HSF2BP: variants seen among roughly 807,000 people sequenced by gnomAD.
The protein encoded by HSF2BP is heat shock transcription factor 2 binding protein, also known as heat shock factor 2-binding protein.
In HSF2BP, 35 loss-of-function variants were observed where a neutral mutation model predicts 35.0. That is an observed-to-expected ratio of 1.00 (90% CI 0.76 to 1.32). HSF2BP has a LOEUF of 1.32. Among genes scored for constraint, HSF2BP ranks in the 40% most tolerant of loss-of-function variants. The pLI, the probability that HSF2BP is intolerant of heterozygous loss-of-function variation, is 0.00. For missense variants in HSF2BP, 326 were observed against 321.7 expected (o/e 1.01, Z -0.10); for synonymous variants, 114 against 117.4 (o/e 0.97, Z 0.18).
intron 6 of HSF2BP, among the ~76,000 whole-genome samples, chr21:43,616,716 G>A (rs1020241642): frequency 2.3e-4 from 35 of 152,216 alleles, no homozygotes; most frequent in African/African-American, 7.7e-4. Context: ...GGCGGATCAC[G>A]CGGTCTGGAG....
intron 8 of HSF2BP, among the ~76,000 whole-genome samples, chr21:43,572,544 GAAGGCCCACTACA>G (rs2081590284): frequency 6.6e-6 from 1 of 152,192 alleles, no homozygotes; most frequent in South Asian, 2.1e-4. Context: ...CGCACACAGG[GAAGGCCCACTACA>G]AAGCCAGTGG....
rs1194234130 is a variant in HSF2BP at position 43,592,251 on chromosome 21, A to G, written c.770T>C (p.Ile257Thr). 6.2e-6 allele frequency: 10 copies of G among 1,613,672 alleles called. No individual in the cohort carries two copies. The highest frequency in any genetic ancestry group is 1.1e-5 in the South Asian group (1 of 91,056). ...LKYISESPGF[I>T]PLLWWLLSDP... ...ACTCAAAAGCCACCACAGCAAAGGG[A>G]TGAATCCTGGACTCTCGCTGATGTA... is the stretch of plus-strand genomic sequence containing the variant. Residue 257 changes from isoleucine (I) to threonine (T), a missense_variant, in exon 8 of 9, where the codon ATC becomes ACC. By Grantham distance (89) the Ile-to-Thr change is moderately conservative. Transcript: ENST00000291560.
At chr21:43,615,923 C>A (rs192655125) in intron 6 of HSF2BP, among the ~76,000 whole-genome samples, 2 of 152,014 alleles carry the variant, frequency 1.3e-5, no homozygotes, top group East Asian at 3.9e-4. Context: ...GCAAACTGTC[C>A]CTGCCAAACC....
At chr21:43,580,006 T>C (rs1446883455) in intron 8 of HSF2BP, among the ~76,000 whole-genome samples, 1 of 152,212 alleles carries the variant, frequency 6.6e-6, no homozygotes, top group East Asian at 1.9e-4. Flanking sequence ...GCCTGCTTTC[T>C]GATGCCTCGA....
intron 4 of HSF2BP, among the ~76,000 whole-genome samples, chr21:43,639,712 G>C (rs151247058): frequency 2.0e-5 from 3 of 152,108 alleles, no homozygotes; most frequent in Non-Finnish European, 2.9e-5. Context: ...AGACACTCTG[G>C]AAAACAATTT....
intron 5 of HSF2BP, among the ~76,000 whole-genome samples, chr21:43,631,414 G>T (rs886921623): frequency 6.6e-6 from 1 of 151,898 alleles, no homozygotes; most frequent in Admixed American, 6.6e-5. Flanking sequence ...TCTCATACAT[G>T]TTCCTTCTTT....
intron 8 of HSF2BP, among the ~76,000 whole-genome samples, chr21:43,588,758 G>A (rs922500301): frequency 1.3e-5 from 2 of 152,150 alleles, no homozygotes; most frequent in Non-Finnish European, 2.9e-5. Context: ...CTTGCTCACG[G>A]CCCGTAACAA....
At chr21:43,632,648 C>T (rs143997667) in intron 5 of HSF2BP, among the ~76,000 whole-genome samples, 68 of 152,246 alleles carry the variant, frequency 4.5e-4, no homozygotes, top group Non-Finnish European at 8.7e-4. Flanking sequence ...AATGCCAACC[C>T]AACCACTCCT....
intron 6 of HSF2BP, among the ~76,000 whole-genome samples, chr21:43,616,358 T>C (rs1275792773): frequency 6.6e-6 from 1 of 152,128 alleles, no homozygotes; most frequent in Non-Finnish European, 1.5e-5. Context: ...AATAGCACAG[T>C]GAAGGCCAGA....
intron 7 of HSF2BP, among the ~76,000 whole-genome samples, chr21:43,596,902 A>AAAAG (rs1555859825): frequency 3.8e-5 from 2 of 52,622 alleles, no homozygotes; most frequent in South Asian, 7.4e-4. Context: ...AAAAAAAAAA[A>AAAAG]AAAGAGAATT....
At chr21:43,615,848 A>G (rs1342481721) in intron 6 of HSF2BP, among the ~76,000 whole-genome samples, 1 of 152,094 alleles carries the variant, frequency 6.6e-6, no homozygotes, top group Non-Finnish European at 1.5e-5. Flanking sequence ...AGCATTATTC[A>G]TGTAAATAAC....
intron 6 of HSF2BP, among the ~76,000 whole-genome samples, chr21:43,626,479 T>C (rs1311221929): frequency 6.6e-6 from 1 of 152,214 alleles, no homozygotes; most frequent in Non-Finnish European, 1.5e-5. Context: ...CATTTTTCTT[T>C]CCTGTAAATA....
At chr21:43,626,441 G>T (rs1300896611) in intron 6 of HSF2BP, among the ~76,000 whole-genome samples, 1 of 152,178 alleles carries the variant, frequency 6.6e-6, no homozygotes, top group Non-Finnish European at 1.5e-5. Context: ...CCATTGTGAG[G>T]AATGTAGATA....
At chr21:43,604,324 C>CCACA (rs777015460) in intron 7 of HSF2BP, among the ~76,000 whole-genome samples, 1 of 135,558 alleles carries the variant, frequency 7.4e-6, no homozygotes, top group Non-Finnish European at 1.6e-5. Context: ...CACAAACACA[C>CCACA]CACACACACA....
At chr21:43,582,256 G>A (rs1201880553) in intron 8 of HSF2BP, among the ~76,000 whole-genome samples, 2 of 142,402 alleles carry the variant, frequency 1.4e-5, no homozygotes, top group South Asian at 2.2e-4. Context: ...TGAGGGAGAT[G>A]AGTGCCTGCT....
At chr21:43,632,637 C>T (rs2082495913) in intron 5 of HSF2BP, among the ~76,000 whole-genome samples, 1 of 152,164 alleles carries the variant, frequency 6.6e-6, no homozygotes, top group Non-Finnish European at 1.5e-5. Context: ...CTTTAGACAG[C>T]AATGCCAACC....
intron 4 of HSF2BP, among the ~76,000 whole-genome samples, chr21:43,634,099 T>C (rs2082520615): frequency 1.3e-5 from 2 of 152,286 alleles, no homozygotes; most frequent in African/African-American, 2.4e-5. Flanking sequence ...GGGAGTCCTA[T>C]TCATGCCCTG....
the HSF2BP span, among the ~76,000 whole-genome samples, chr21:43,495,514 C>G: frequency 9.5e-6 from 1 of 105,548 alleles, no homozygotes; most frequent in Non-Finnish European, 2.0e-5. Context: ...TGCATGTGCC[C>G]GTGGCTGGCA....
At chr21:43,657,935 G>C in intron 2 of HSF2BP, 126 bp downstream of exon 2, 1 of 1,497,114 alleles carries the variant, frequency 6.7e-7, no homozygotes, top group Non-Finnish European at 8.9e-7. Context: ...GTTAGGGGAG[G>C]AAGTCTCCAG....
Sources: allele counts gnomAD v4.1 joint callset (sites outside exome capture counted in the v4.1 genomes callset), GRCh38; gene constraint gnomAD v4.1.1; transcripts MANE v1.5; gene names NCBI Gene and HGNC (gene_info 2026-07-23, HGNC 2026-07-21).